Variants in KRABD5 observed in about 807,000 individuals in gnomAD.
The protein encoded by KRABD5 is KRAB domain containing 5.
the KRABD5 span, among the ~76,000 whole-genome samples, chr16:31,721,081 A>G: frequency 6.6e-6 from 1 of 152,232 alleles, no homozygotes. Context: ...AGCACTTAGA[A>G]TAAATAAAAA....
At chr16:31,722,377 A>G in the KRABD5 span, among the ~76,000 whole-genome samples, 9,220 of 152,196 alleles carry the variant, frequency 0.061, 790 homozygotes, top group African/African-American at 0.18. Flanking sequence ...TCGATGCCTT[A>G]GTTTTATACT....
the KRABD5 span, among the ~76,000 whole-genome samples, chr16:31,716,731 G>A: frequency 1.5e-3 from 232 of 152,254 alleles, no homozygotes; most frequent in African/African-American, 5.4e-3. Context: ...ATCCTCAGGT[G>A]CCTGAATCTA....
At chr16:31,718,800 C>T in the KRABD5 span, among the ~76,000 whole-genome samples, 1 of 152,180 alleles carries the variant, frequency 6.6e-6, no homozygotes, top group Non-Finnish European at 1.5e-5. Flanking sequence ...GGCATCAGTA[C>T]AGGATCACCA....
chr16:31,747,324 C>A, the KRABD5 span, among the ~76,000 whole-genome samples: 9 of 152,040 alleles, frequency 5.9e-5, no homozygotes, highest in Admixed American at 4.6e-4. Context: ...TGAACTCATC[C>A]TTTTTTATGG....
At chr16:31,722,488 A>G in the KRABD5 span, 1 of 945,252 alleles carries the variant, frequency 1.1e-6, no homozygotes, top group African/African-American at 1.7e-5. Flanking sequence ...TATTGTGTTT[A>G]AAAGTATCTT....
At chr16:31,760,772 T>C in the KRABD5 span, 1 of 152,176 alleles carries the variant, frequency 6.6e-6, no homozygotes, top group East Asian at 1.9e-4. Context: ...ATGTGAGAAT[T>C]TGCAAACATG....
chr16:31,737,119 G>A, the KRABD5 span, among the ~76,000 whole-genome samples: 12 of 152,244 alleles, frequency 7.9e-5, no homozygotes, highest in East Asian at 1.5e-3. Context: ...AAAGATGAAA[G>A]CTTTTTCTCT....
chr16:31,755,140 G>C, the KRABD5 span: 2 of 489,098 alleles, frequency 4.1e-6, no homozygotes, highest in East Asian at 1.2e-4. Flanking sequence ...ATAAATGTAA[G>C]GAATGCAGCA....
At chr16:31,723,828 T>TA in the KRABD5 span, among the ~76,000 whole-genome samples, 1 of 152,196 alleles carries the variant, frequency 6.6e-6, no homozygotes, top group Non-Finnish European at 1.5e-5. Flanking sequence ...TTTCTAATCC[T>TA]ATGGTGGTTT....
chr16:31,717,127 CT>C, the KRABD5 span, among the ~76,000 whole-genome samples: 115 of 150,952 alleles, frequency 7.6e-4, no homozygotes, highest in Middle Eastern at 3.4e-3. Context: ...TCCCAAGTAG[CT>C]GGGATTATAG....
At chr16:31,745,636 C>T in the KRABD5 span, among the ~76,000 whole-genome samples, 1 of 151,912 alleles carries the variant, frequency 6.6e-6, no homozygotes, top group Non-Finnish European at 1.5e-5. Flanking sequence ...TCTATTAGGT[C>T]CACTTGATCC....
At chr16:31,745,166 T>C in the KRABD5 span, among the ~76,000 whole-genome samples, 1 of 152,172 alleles carries the variant, frequency 6.6e-6, no homozygotes, top group Non-Finnish European at 1.5e-5. Flanking sequence ...TGCTAACTCT[T>C]GGATTAGTTT....
chr16:31,760,782 G>T, the KRABD5 span: 1 of 152,184 alleles, frequency 6.6e-6, no homozygotes, highest in African/African-American at 2.4e-5. Flanking sequence ...TTGCAAACAT[G>T]TGGAGTGTGT....
chr16:31,742,514 G>A, the KRABD5 span, among the ~76,000 whole-genome samples: 1 of 152,158 alleles, frequency 6.6e-6, no homozygotes, highest in Non-Finnish European at 1.5e-5. Flanking sequence ...TGGCTTCATA[G>A]TATTCCATGG....
chr16:31,759,421 A>G, the KRABD5 span: 1 of 1,536,090 alleles, frequency 6.5e-7, no homozygotes, highest in Middle Eastern at 1.7e-4. Flanking sequence ...AGGACCAAAG[A>G]CAAGTGAATT....
At chr16:31,713,456 G>T in the KRABD5 span, 3 of 1,601,282 alleles carry the variant, frequency 1.9e-6, no homozygotes, top group South Asian at 3.4e-5. Context: ...CAGGTCGGGG[G>T]TCCCCAGAAG....
the KRABD5 span, among the ~76,000 whole-genome samples, chr16:31,715,562 A>G: frequency 6.6e-6 from 1 of 152,186 alleles, no homozygotes; most frequent in Non-Finnish European, 1.5e-5. Flanking sequence ...GAATCCTTGT[A>G]TAAAATTAAT....
chr16:31,752,034 GTTGT>G, the KRABD5 span, among the ~76,000 whole-genome samples: 2 of 152,204 alleles, frequency 1.3e-5, no homozygotes, highest in Non-Finnish European at 2.9e-5. Context: ...TGAGGAGCCA[GTTGT>G]TTAATTTCTA....
the KRABD5 span, among the ~76,000 whole-genome samples, chr16:31,721,612 A>G: frequency 1.3e-5 from 2 of 152,294 alleles, no homozygotes; most frequent in East Asian, 3.9e-4. Flanking sequence ...TATTTCTCAT[A>G]TAGATTTTTG....
Sources: gnomAD v4.1 joint callset for allele counts (sites outside exome capture counted in the v4.1 genomes callset) on GRCh38, gnomAD v4.1.1 for gene constraint, MANE v1.5 for transcripts, NCBI Gene and HGNC (gene_info 2026-07-23, HGNC 2026-07-21) for gene names.